The following NRXN3 variants were observed in gnomAD, a reference collection of about 807,000 sequenced individuals.
NRXN3 encodes the protein neurexin III.
Under a neutral mutation model 137.6 loss-of-function variants are expected in NRXN3, and 32 were observed. That is an observed-to-expected ratio of 0.23 (90% CI 0.18 to 0.31). The LOEUF is 0.31. NRXN3 is among the 10% of genes least tolerant of loss of function. NRXN3 has a pLI of 1.00. For synonymous variants in NRXN3, 798 were observed against 784.5 expected (o/e 1.02, Z -0.29); for missense variants, 1,574 against 2,062.5 (o/e 0.76, Z 4.59).
At chr14:79,219,961 CT>C (rs769921190) in intron 15 of NRXN3, among the ~76,000 whole-genome samples, 6 of 152,128 alleles carry the variant, frequency 3.9e-5, no homozygotes. Flanking sequence ...TTCCCACTGC[CT>C]TGCTTTATTA....
chr14:78,360,536 A>G (rs2084958639), intron 4 of NRXN3, among the ~76,000 whole-genome samples: 1 of 152,122 alleles, frequency 6.6e-6, no homozygotes, highest in African/African-American at 2.4e-5. Context: ...CAGCTCTGTC[A>G]TTTACTACCC....
intron 15 of NRXN3, among the ~76,000 whole-genome samples, chr14:79,160,042 T>G (rs1325934756): frequency 6.6e-6 from 1 of 151,580 alleles, no homozygotes; most frequent in African/African-American, 2.4e-5. Context: ...CTAGAAAGAG[T>G]TGAGGTAACC....
chr14:78,852,199 C>G (rs1049889616), intron 10 of NRXN3, among the ~76,000 whole-genome samples: 1 of 152,118 alleles, frequency 6.6e-6, no homozygotes, highest in African/African-American at 2.4e-5. Flanking sequence ...GTCCCTGCAT[C>G]CAGATTTACA....
chr14:79,420,096 C>T (rs1419940097), intron 15 of NRXN3, among the ~76,000 whole-genome samples: 2 of 152,086 alleles, frequency 1.3e-5, no homozygotes, highest in Non-Finnish European at 1.5e-5. Context: ...GTAATGAAAG[C>T]AGTAGTGGTG....
intron 19 of NRXN3, among the ~76,000 whole-genome samples, chr14:79,791,838 T>C (rs12431745): frequency 1.3e-5 from 2 of 151,972 alleles, no homozygotes; most frequent in South Asian, 4.1e-4. Context: ...CATGGCCACT[T>C]TTAGTTGCAA....
intron 1 of NRXN3, among the ~76,000 whole-genome samples, chr14:78,175,615 C>T (rs1375338782): frequency 6.6e-6 from 1 of 152,094 alleles, no homozygotes; most frequent in African/African-American, 2.4e-5. Context: ...AGGGCCAGCT[C>T]TGTTGCTCTG....
chr14:79,454,136 T>A (rs2096221926), intron 15 of NRXN3, among the ~76,000 whole-genome samples: 1 of 151,972 alleles, frequency 6.6e-6, no homozygotes, highest in African/African-American at 2.4e-5. Flanking sequence ...CAGGCTGGAG[T>A]GCAGTGGCGT....
intron 4 of NRXN3, among the ~76,000 whole-genome samples, chr14:78,441,288 C>G (rs2094238111): frequency 6.6e-6 from 1 of 152,240 alleles, no homozygotes; most frequent in East Asian, 1.9e-4. Context: ...TTTCTCCTCC[C>G]TATTTTCTTC....
chr14:78,226,951 T>C (rs2064751830), intron 1 of NRXN3, among the ~76,000 whole-genome samples: 1 of 152,230 alleles, frequency 6.6e-6, no homozygotes, highest in Non-Finnish European at 1.5e-5. Context: ...GCCCATTGTG[T>C]GCCATCCAAA....
chr14:78,660,060 A>T (rs2152676747), intron 6 of NRXN3, among the ~76,000 whole-genome samples: 1 of 152,218 alleles, frequency 6.6e-6, no homozygotes, highest in South Asian at 2.1e-4. Flanking sequence ...ACCAGGTGTG[A>T]ACATTTAGCC....
At chr14:78,850,076 G>A (rs1482409452) in intron 10 of NRXN3, among the ~76,000 whole-genome samples, 1 of 152,058 alleles carries the variant, frequency 6.6e-6, no homozygotes, top group Non-Finnish European at 1.5e-5. Context: ...AACAATGCAC[G>A]GCAGGTTATG....
intron 16 of NRXN3, among the ~76,000 whole-genome samples, chr14:79,494,560 T>G (rs780103128): frequency 6.6e-6 from 1 of 152,218 alleles, no homozygotes; most frequent in African/African-American, 2.4e-5. Flanking sequence ...AAAAGGGTAC[T>G]ACTTTTAAAA....
chr14:78,944,472 C>A (rs909394574), intron 10 of NRXN3, among the ~76,000 whole-genome samples: 1 of 152,186 alleles, frequency 6.6e-6, no homozygotes, highest in Admixed American at 6.5e-5. Context: ...AGCATTGTGA[C>A]CTGATTTGTA....
chr14:79,863,987 A>G lies in NRXN3; in HGVS notation c.*2023A>G, dbSNP rs1191757971. On this transcript the variant is annotated 3_prime_UTR_variant, in exon 21 of 21. Transcript: ENST00000335750. ...GTGTTCCTCATTATCTAATATTTCAATGTGTTAAGAGTTTAATTTTTTTGT... is the reference window on the plus strand; with the variant it reads ...GTGTTCCTCATTATCTAATATTTCAGTGTGTTAAGAGTTTAATTTTTTTGT... 3 of 147,154 alleles carry G rather than the reference A, an allele frequency of 2.0e-5. No homozygotes were observed. The East Asian group carries it at 5.9e-4, about 29-fold the overall frequency. The allele number at this position is 147,154 out of a possible 1,614,324, so 9.1% of individuals were successfully genotyped here. A position where few individuals can be genotyped will look rare whatever the true frequency, so the allele number is the denominator to read the frequency against.
rs79327707 is a variant in NRXN3 at position 79,494,177 on chromosome 14, T to C, written c.3444+26775T>C. On this transcript the variant is annotated intron_variant, in intron 16 of 20. Coordinates refer to ENST00000335750, the MANE Select transcript of NRXN3 (RefSeq NM_001330195.2). Reference sequence around the variant, plus strand: ...GAGCTTGAAATGGTATACCTACAGATATAGATCATTAAAACCAAACAAAAC... The same window carrying C: ...GAGCTTGAAATGGTATACCTACAGACATAGATCATTAAAACCAAACAAAAC... Among the ~76,000 whole-genome samples, 598 of 152,302 alleles carry C rather than the reference T, an allele frequency of 3.9e-3. 18 individuals carry two copies. In the South Asian group the frequency reaches 0.074, roughly 19 times the overall value.
At chr14:79,261,645 T>TGTG (rs2077609054) in intron 15 of NRXN3, among the ~76,000 whole-genome samples, 1 of 22,870 alleles carries the variant, frequency 4.4e-5, no homozygotes, top group African/African-American at 1.9e-4. Context: ...GTGTGTGTGA[T>TGTG]GGGGTGGGGG....
intron 15 of NRXN3, among the ~76,000 whole-genome samples, chr14:79,353,355 G>A (rs1188747256): frequency 6.6e-5 from 10 of 151,960 alleles, no homozygotes; most frequent in Admixed American, 6.6e-4. Flanking sequence ...AACATATAAT[G>A]AGTATGTATT....
chr14:79,120,848 T>C (rs942916324), intron 15 of NRXN3, among the ~76,000 whole-genome samples: 1 of 152,180 alleles, frequency 6.6e-6, no homozygotes, highest in Non-Finnish European at 1.5e-5. Flanking sequence ...ATCTCAAAAA[T>C]TGCTTACTCT....
chr14:79,210,334 G>T (rs889723523), intron 15 of NRXN3, among the ~76,000 whole-genome samples: 1 of 152,114 alleles, frequency 6.6e-6, no homozygotes, highest in Non-Finnish European at 1.5e-5. Flanking sequence ...TTTCTCTATG[G>T]TATCCCCAGC....
Sources: allele counts gnomAD v4.1 joint callset (sites outside exome capture counted in the v4.1 genomes callset), GRCh38; gene constraint gnomAD v4.1.1; transcripts MANE v1.5; gene names NCBI Gene and HGNC (gene_info 2026-07-23, HGNC 2026-07-21).